The following GABRB2 variants were observed in gnomAD, a reference collection of about 807,000 sequenced individuals.
The protein encoded by GABRB2 is gamma-aminobutyric acid type A receptor subunit beta2.
A neutral mutation model predicts 54.7 loss-of-function variants in GABRB2; 16 were observed. The observed-to-expected ratio is 0.29, with a 90% CI of 0.20 to 0.44. The LOEUF is 0.44. GABRB2 is among the 20% of genes least tolerant of loss of function. The probability of loss-of-function intolerance (pLI) is 1.00; values close to 1 mark genes in which losing one functional copy is unlikely to be tolerated. For synonymous variants in GABRB2, 244 were observed against 233.8 expected (o/e 1.04, Z -0.40); for missense variants, 355 against 644.0 (o/e 0.55, Z 4.86).
intron 3 of GABRB2, among the ~76,000 whole-genome samples, chr5:161,492,564 T>TTG (rs111553488): frequency 0.097 from 14,390 of 149,032 alleles, 865 homozygotes; most frequent in Admixed American, 0.19. Flanking sequence ...TTGTTGTAAT[T>TTG]TGTGTGTGTG....
intron 5 of GABRB2, among the ~76,000 whole-genome samples, chr5:161,401,903 T>C (rs1561637652): frequency 6.6e-6 from 1 of 152,164 alleles, no homozygotes; most frequent in Non-Finnish European, 1.5e-5. Context: ...AAATGTTCTA[T>C]TTGTCTCTCC....
At chr5:161,498,947 T>C (rs1012974187) in intron 3 of GABRB2, among the ~76,000 whole-genome samples, 2 of 152,200 alleles carry the variant, frequency 1.3e-5, no homozygotes, top group African/African-American at 2.4e-5. Context: ...ACAGCTACGC[T>C]TGATGCTCTG....
At chr5:161,312,253 C>T (rs1018395715) in intron 9 of GABRB2, among the ~76,000 whole-genome samples, 2 of 152,186 alleles carry the variant, frequency 1.3e-5, no homozygotes, top group African/African-American at 4.8e-5. Context: ...CACTCCTCAA[C>T]TCCCTTGTTA....
chr5:161,464,099 G>T (rs1758208393), intron 3 of GABRB2, among the ~76,000 whole-genome samples: 1 of 151,888 alleles, frequency 6.6e-6, no homozygotes, highest in Admixed American at 6.6e-5. Context: ...TGATAAATTG[G>T]ACCTCAACAG....
At chr5:161,538,210 C>T (rs1026250380) in intron 3 of GABRB2, among the ~76,000 whole-genome samples, 1 of 152,078 alleles carries the variant, frequency 6.6e-6, no homozygotes, top group African/African-American at 2.4e-5. Context: ...ATTTTTCACT[C>T]AATACTTGTG....
intron 3 of GABRB2, among the ~76,000 whole-genome samples, chr5:161,535,835 G>T (rs1054434991): frequency 6.6e-6 from 1 of 152,126 alleles, no homozygotes; most frequent in South Asian, 2.1e-4. Flanking sequence ...CTAATGGGAG[G>T]TGCTAAGAGT....
chr5:161,494,346 T>C (rs886945159), intron 3 of GABRB2, among the ~76,000 whole-genome samples: 3 of 151,898 alleles, frequency 2.0e-5, no homozygotes, highest in Non-Finnish European at 4.4e-5. Flanking sequence ...AATTTAAGAA[T>C]GCTTACTGGA....
intron 5 of GABRB2, among the ~76,000 whole-genome samples, chr5:161,380,446 T>A (rs1408446630): frequency 6.6e-6 from 1 of 152,142 alleles, no homozygotes; most frequent in Non-Finnish European, 1.5e-5. Flanking sequence ...AATGCTCAAA[T>A]CTCTATTTAA....
intron 3 of GABRB2, among the ~76,000 whole-genome samples, chr5:161,486,743 C>T (rs1175093187): frequency 6.6e-6 from 1 of 151,930 alleles, no homozygotes; most frequent in African/African-American, 2.4e-5. Context: ...AAGTCTCCTC[C>T]TCCATGGCTG....
chr5:161,301,887 T>C (rs1757551352), intron 9 of GABRB2, among the ~76,000 whole-genome samples: 1 of 152,220 alleles, frequency 6.6e-6, no homozygotes, highest in Admixed American at 6.5e-5. Context: ...GACAAGGTTT[T>C]TTGGAGAGGC....
At chr5:161,501,532 G>A (rs1449889589) in intron 3 of GABRB2, among the ~76,000 whole-genome samples, 1 of 152,018 alleles carries the variant, frequency 6.6e-6, no homozygotes, top group Admixed American at 6.6e-5. Flanking sequence ...AATGTTATTG[G>A]CACAGATTCA....
intron 4 of GABRB2, among the ~76,000 whole-genome samples, chr5:161,416,987 G>A (rs1054691403): frequency 1.3e-5 from 2 of 152,104 alleles, no homozygotes; most frequent in African/African-American, 4.8e-5. Flanking sequence ...TGGGGGGAAA[G>A]ATCTAATTGC....
chr5:161,437,244 C>G (rs1048504339), intron 4 of GABRB2, among the ~76,000 whole-genome samples: 1 of 151,942 alleles, frequency 6.6e-6, no homozygotes, highest in African/African-American at 2.4e-5. Flanking sequence ...CCCCTTCCTT[C>G]TGCTTGAGGA....
At chr5:161,507,454 T>TGTAA (rs1471483145) in intron 3 of GABRB2, among the ~76,000 whole-genome samples, 1 of 152,080 alleles carries the variant, frequency 6.6e-6, no homozygotes, top group Non-Finnish European at 1.5e-5. Flanking sequence ...GCAACTCTTC[T>TGTAA]GTAAGTCTAA....
intron 5 of GABRB2, among the ~76,000 whole-genome samples, chr5:161,359,573 A>T (rs909105798): frequency 9.2e-5 from 14 of 152,178 alleles, no homozygotes; most frequent in African/African-American, 3.1e-4. Flanking sequence ...TGATGATAAT[A>T]CATGATAACA....
At chr5:161,442,796 G>T (rs944407212) in intron 4 of GABRB2, among the ~76,000 whole-genome samples, 1 of 151,448 alleles carries the variant, frequency 6.6e-6, no homozygotes, top group Non-Finnish European at 1.5e-5. Flanking sequence ...TCCCCTTCTA[G>T]CCCTGTGACA....
In GABRB2 at chr5:161,321,884, GTAAA is replaced by G. The variant is rs1224911762; in HGVS notation, c.1191+4480_1191+4483del. 3.2e-4 allele frequency among the ~76,000 whole-genome samples: 48 copies of G among 152,040 alleles called. 1 individual carries two copies. The highest frequency in any genetic ancestry group is 1.1e-3 in the African/African-American group (46 of 41,420). ...CCTTTTAAACTTGTTATACATACCT[GTAAA>G]TAAATTAATTAATGTAATTATTTAT... is the stretch of plus-strand genomic sequence containing the variant. On this transcript the variant is annotated intron_variant, in intron 9 of 9. Coordinates refer to ENST00000393959, the MANE Select transcript of GABRB2 (RefSeq NM_001371727.1).
At chr5:161,434,272 T>G (rs553798421) in intron 4 of GABRB2, among the ~76,000 whole-genome samples, 2 of 152,206 alleles carry the variant, frequency 1.3e-5, no homozygotes, top group Non-Finnish European at 2.9e-5. Flanking sequence ...CAATAATAAA[T>G]GCTATTTATT....
intron 3 of GABRB2, among the ~76,000 whole-genome samples, chr5:161,486,044 G>T (rs1758913354): frequency 6.6e-6 from 1 of 151,886 alleles, no homozygotes. Flanking sequence ...TAATTACTGG[G>T]ACTGGGACAA....
Sources: allele counts gnomAD v4.1 joint callset (sites outside exome capture counted in the v4.1 genomes callset), GRCh38; gene constraint gnomAD v4.1.1; transcripts MANE v1.5; gene names NCBI Gene and HGNC (gene_info 2026-07-23, HGNC 2026-07-21).